The following WWOX variants were observed in gnomAD, a reference collection of about 807,000 sequenced individuals.
WWOX encodes the protein WW domain-containing oxidoreductase.
WWOX carries 69 observed loss-of-function variants against 46.2 expected under a neutral mutation model. The observed-to-expected ratio is 1.49, with a 90% CI of 1.23 to 1.82. The LOEUF (loss-of-function observed/expected upper bound fraction) is 1.82, where lower values mean the gene tolerates loss of function less well. WWOX is among the 40% of genes most tolerant of loss of function. The pLI is 0.00. For missense variants in WWOX, 919 were observed against 542.6 expected (o/e 1.69, Z -6.89); for synonymous variants, 359 against 202.6 (o/e 1.77, Z -6.56).
chr16:78,724,162 G>T (rs1282465569), intron 8 of WWOX, among the ~76,000 whole-genome samples: 1 of 152,102 alleles, frequency 6.6e-6, no homozygotes, highest in East Asian at 1.9e-4. Flanking sequence ...GCCACATCCC[G>T]GTTCATATCT....
intron 8 of WWOX, among the ~76,000 whole-genome samples, chr16:78,934,680 GC>G (rs1173291261): frequency 6.6e-6 from 1 of 152,128 alleles, no homozygotes; most frequent in Non-Finnish European, 1.5e-5. Context: ...GATCTTCAGT[GC>G]CAGAACCCAG....
At chr16:78,227,280 A>C (rs1187887797) in intron 5 of WWOX, among the ~76,000 whole-genome samples, 1 of 152,214 alleles carries the variant, frequency 6.6e-6, no homozygotes, top group Non-Finnish European at 1.5e-5. Context: ...CTTTTCACAT[A>C]AATTTAATGG....
chr16:78,771,912 C>T (rs1162996096), intron 8 of WWOX, among the ~76,000 whole-genome samples: 1 of 152,108 alleles, frequency 6.6e-6, no homozygotes, highest in Non-Finnish European at 1.5e-5. Flanking sequence ...ATACATTGTA[C>T]TACAATAAAA....
chr16:78,626,719 C>G (rs2046319975), intron 8 of WWOX, among the ~76,000 whole-genome samples: 1 of 152,160 alleles, frequency 6.6e-6, no homozygotes, highest in Admixed American at 6.5e-5. Flanking sequence ...AATGTTCTCA[C>G]TCTTCGAGGG....
chr16:78,908,199 G>A (rs75346536), intron 8 of WWOX, among the ~76,000 whole-genome samples: 3,454 of 152,132 alleles, frequency 0.023, 200 homozygotes, highest in East Asian at 0.23. Flanking sequence ...CTCCTTGCCC[G>A]CTGCCTAAGC....
intron 8 of WWOX, among the ~76,000 whole-genome samples, chr16:79,088,560 T>G (rs2048895943): frequency 6.6e-6 from 1 of 152,050 alleles, no homozygotes. Flanking sequence ...AAATGCGATG[T>G]TTTCTATGGG....
At chr16:79,153,028 G>C (rs9922411) in intron 8 of WWOX, among the ~76,000 whole-genome samples, 31,311 of 152,088 alleles carry the variant, frequency 0.21, 3,502 homozygotes, top group East Asian at 0.45. Context: ...CAAAAGAGCC[G>C]GGCAAGGAGA....
intron 5 of WWOX, among the ~76,000 whole-genome samples, chr16:78,262,097 CA>C (rs752161345): frequency 4.5e-4 from 28 of 62,608 alleles, no homozygotes; most frequent in Admixed American, 8.2e-4. Flanking sequence ...GAAACTCTGT[CA>C]AAAAAAAAAA....
At chr16:78,533,354 A>G (rs1020177996) in intron 8 of WWOX, among the ~76,000 whole-genome samples, 1 of 152,092 alleles carries the variant, frequency 6.6e-6, no homozygotes, top group African/African-American at 2.4e-5. Context: ...TCCCTGGGCC[A>G]CATTGGAAGA....
intron 5 of WWOX, among the ~76,000 whole-genome samples, chr16:78,363,096 A>G (rs539992826): frequency 3.2e-4 from 49 of 152,266 alleles, no homozygotes; most frequent in Non-Finnish European, 6.3e-4. Context: ...ATTCAGTATT[A>G]GGAAAAAAGA....
At chr16:79,103,566 A>G (rs779725307) in intron 8 of WWOX, among the ~76,000 whole-genome samples, 4 of 152,180 alleles carry the variant, frequency 2.6e-5, no homozygotes, top group Admixed American at 1.3e-4. Context: ...GTCAGCTCCA[A>G]TTTATTCCAT....
intron 5 of WWOX, among the ~76,000 whole-genome samples, chr16:78,303,632 C>T (rs1597459371): frequency 6.6e-6 from 1 of 152,194 alleles, no homozygotes; most frequent in Non-Finnish European, 1.5e-5. Flanking sequence ...GCAACCTCCA[C>T]CTCCCGGTTT....
intron 8 of WWOX, among the ~76,000 whole-genome samples, chr16:79,009,433 A>G (rs1407553560): frequency 6.6e-6 from 1 of 151,296 alleles, no homozygotes. Flanking sequence ...AAAAGGAGAC[A>G]CTGGGGCTTC....
At chr16:78,132,767 C>T (rs982753368) in intron 4 of WWOX, among the ~76,000 whole-genome samples, 3 of 152,140 alleles carry the variant, frequency 2.0e-5, no homozygotes, top group African/African-American at 4.8e-5. Flanking sequence ...CTGGGCTCTT[C>T]GATTCTCACG....
intron 5 of WWOX, among the ~76,000 whole-genome samples, chr16:78,351,471 C>T (rs6564528): frequency 0.08 from 12,167 of 152,122 alleles, 525 homozygotes; most frequent in Middle Eastern, 0.11. Context: ...ATATCATATA[C>T]GCTTTAGGTG....
At position 78,576,526 on chromosome 16, in the gene WWOX, A is replaced by G. The variant is rs551964757; in HGVS notation, c.1056+143774A>G. On this transcript the variant is annotated intron_variant, in intron 8 of 8. Coordinates refer to ENST00000566780, the MANE Select transcript of WWOX (RefSeq NM_016373.4). ...AGTGGTGAAGCTGCACAACCATGAA[A>G]GCAGTGACCACATAAAAATGCTGCT... Among the ~76,000 whole-genome samples, 15 of 152,322 alleles carry G rather than the reference A, an allele frequency of 9.8e-5. No homozygotes were observed. The East Asian group carries it at 2.7e-3, about 27-fold the overall frequency.
intron 8 of WWOX, among the ~76,000 whole-genome samples, chr16:79,047,877 T>A (rs148689039): frequency 5.6e-4 from 85 of 151,632 alleles, no homozygotes; most frequent in African/African-American, 2.0e-3. Context: ...GACAACTCAT[T>A]GATTCAGATT....
chr16:78,897,238 T>C (rs1219665581), intron 8 of WWOX: 1 of 22,224 alleles, frequency 4.5e-5, no homozygotes, highest in African/African-American at 3.0e-4. Flanking sequence ...TGAGACTGTC[T>C]TTAAAAAAAA....
chr16:78,629,188 T>C (rs979275311), intron 8 of WWOX, among the ~76,000 whole-genome samples: 5 of 152,022 alleles, frequency 3.3e-5, no homozygotes, highest in South Asian at 2.1e-4. Context: ...GGGGTTCTTA[T>C]GCCATTTTAA....
Sources: allele counts gnomAD v4.1 joint callset (sites outside exome capture counted in the v4.1 genomes callset), GRCh38; gene constraint gnomAD v4.1.1; transcripts MANE v1.5; gene names NCBI Gene and HGNC (gene_info 2026-07-23, HGNC 2026-07-21).